LPGAT1: variants seen among roughly 807,000 people sequenced by gnomAD.
LPGAT1 encodes the protein acyl-CoA:lysophosphatidylglycerol acyltransferase 1.
LPGAT1 carries 11 observed loss-of-function variants against 47.5 expected under a neutral mutation model. The ratio of observed to expected loss-of-function variants is 0.23; its 90% CI spans 0.15 to 0.38. The LOEUF is 0.38. Ranked by LOEUF, LPGAT1 falls within the 10% of genes least tolerant of loss-of-function variation. LPGAT1 has a pLI of 1.00. For synonymous variants in LPGAT1, 138 were observed against 144.2 expected (o/e 0.96, Z 0.31); for missense variants, 293 against 439.0 (o/e 0.67, Z 2.97).
At chr1:211,773,482 CA>C (rs1553308458) in intron 6 of LPGAT1, among the ~76,000 whole-genome samples, 1 of 152,192 alleles carries the variant, frequency 6.6e-6, no homozygotes, top group Non-Finnish European at 1.5e-5. Context: ...TCAAGTTACA[CA>C]TGAAAACAAC....
At chr1:211,805,043 C>A (rs1196229610) in intron 2 of LPGAT1, among the ~76,000 whole-genome samples, 3 of 149,714 alleles carry the variant, frequency 2.0e-5, no homozygotes, top group Non-Finnish European at 3.0e-5. Flanking sequence ...TCCAGATTGA[C>A]AGAATACTAA....
chr1:211,819,038 TTAATTA>T (rs1430364300), intron 2 of LPGAT1, among the ~76,000 whole-genome samples: 2 of 152,304 alleles, frequency 1.3e-5, no homozygotes, highest in East Asian at 3.9e-4. Flanking sequence ...CAGTGCTATT[TTAATTA>T]TAATTACATA....
At chr1:211,800,517 A>G (rs1218664693) in intron 2 of LPGAT1, among the ~76,000 whole-genome samples, 2 of 152,198 alleles carry the variant, frequency 1.3e-5, no homozygotes, top group South Asian at 4.1e-4. Flanking sequence ...AAAATCAAAG[A>G]TAATAACTGG....
At chr1:211,784,468 G>A (rs1303507460) in intron 4 of LPGAT1, among the ~76,000 whole-genome samples, 1 of 148,300 alleles carries the variant, frequency 6.7e-6, no homozygotes, top group African/African-American at 2.5e-5. Flanking sequence ...TCCAGCCTGG[G>A]TGATAGAGTG....
chr1:211,757,650 T>C (rs1306813338), intron 6 of LPGAT1, among the ~76,000 whole-genome samples: 2 of 152,170 alleles, frequency 1.3e-5, no homozygotes, highest in East Asian at 3.8e-4. Context: ...ATACCAAGAA[T>C]TTAAAAGATG....
chr1:211,824,476 G>A (rs1028548537), intron 2 of LPGAT1, among the ~76,000 whole-genome samples: 2 of 152,106 alleles, frequency 1.3e-5, no homozygotes, highest in Admixed American at 6.6e-5. Flanking sequence ...CAGACCCTAG[G>A]GTTATAAGGA....
intron 6 of LPGAT1, among the ~76,000 whole-genome samples, chr1:211,753,583 A>G (rs1214813792): frequency 1.3e-5 from 2 of 152,098 alleles, no homozygotes; most frequent in Non-Finnish European, 2.9e-5. Flanking sequence ...TTATTGCTAC[A>G]ATATCTTATG....
rs1010844971 is a variant in LPGAT1 at position 211,787,877 on chromosome 1, C to T, written c.358-150G>A. 7.5e-6 allele frequency: 4 copies of T among 534,028 alleles called. No homozygotes were observed. In the Admixed American group the frequency reaches 1.5e-4, roughly 20 times the overall value. The allele number at this position is 534,028 out of a possible 1,614,324, so 33.1% of individuals were successfully genotyped here. On this transcript the variant is annotated intron_variant, in intron 3 of 7. Transcript: ENST00000366997. ...TAACTCTATTTCTACAAACAAAGCA[C>T]AGTTACTAATAGTGTCTACATGAAA...
chr1:211,778,292 A>T (rs1023497073), intron 6 of LPGAT1, among the ~76,000 whole-genome samples: 8 of 149,484 alleles, frequency 5.4e-5, no homozygotes, highest in African/African-American at 2.0e-4. Flanking sequence ...CAGTGAGCCG[A>T]GATCGCGCCA....
At chr1:211,762,768 C>G (rs1055160449) in intron 6 of LPGAT1, among the ~76,000 whole-genome samples, 1 of 152,068 alleles carries the variant, frequency 6.6e-6, no homozygotes, top group African/African-American at 2.4e-5. Context: ...TTTAAAAGCA[C>G]TAGATGAAAT....
chr1:211,753,476 CT>C (rs1285987086), intron 6 of LPGAT1, among the ~76,000 whole-genome samples: 1 of 150,786 alleles, frequency 6.6e-6, no homozygotes, highest in Admixed American at 6.6e-5. Context: ...TGCTTTTTTT[CT>C]TTTTATAAAT....
At chr1:211,787,762 A>G (rs753831442) in intron 3 of LPGAT1, 35 bp from the exon 4 acceptor site, 1 of 1,346,746 alleles carries the variant, frequency 7.4e-7, no homozygotes. Flanking sequence ...AATATTGGAT[A>G]GAAGAAACCT....
At chr1:211,790,831 G>C (rs1027276542) in intron 3 of LPGAT1, among the ~76,000 whole-genome samples, 2 of 152,160 alleles carry the variant, frequency 1.3e-5, no homozygotes, top group Non-Finnish European at 2.9e-5. Context: ...TTAGAATACA[G>C]TTAGACATAT....
chr1:211,815,386 C>T (rs1365645318), intron 2 of LPGAT1, among the ~76,000 whole-genome samples: 2 of 152,174 alleles, frequency 1.3e-5, no homozygotes, highest in Non-Finnish European at 2.9e-5. Context: ...TCAGCAAGTC[C>T]TGACAATTTT....
chr1:211,768,171 A>G (rs1279604541), intron 6 of LPGAT1, among the ~76,000 whole-genome samples: 1 of 152,186 alleles, frequency 6.6e-6, no homozygotes, highest in African/African-American at 2.4e-5. Flanking sequence ...AATATCCTTG[A>G]TTTAAAAGGG....
At chr1:211,809,024 C>T (rs1361917774) in intron 2 of LPGAT1, among the ~76,000 whole-genome samples, 1 of 151,104 alleles carries the variant, frequency 6.6e-6, no homozygotes, top group African/African-American at 2.4e-5. Context: ...AGTGAAACCC[C>T]GTCTCAACTA....
chr1:211,815,765 A>C (rs1660147728), intron 2 of LPGAT1, among the ~76,000 whole-genome samples: 3 of 146,412 alleles, frequency 2.0e-5, no homozygotes, highest in Non-Finnish European at 3.0e-5. Context: ...AACATGACAA[A>C]TGCTTTTCTT....
intron 2 of LPGAT1, among the ~76,000 whole-genome samples, chr1:211,801,058 T>G (rs1439311080): frequency 6.6e-6 from 1 of 152,220 alleles, no homozygotes; most frequent in Non-Finnish European, 1.5e-5. Flanking sequence ...GCCACTTGCT[T>G]GGCTACAAAT....
chr1:211,794,179 T>C (rs1659254498), intron 2 of LPGAT1, among the ~76,000 whole-genome samples: 1 of 152,228 alleles, frequency 6.6e-6, no homozygotes, highest in South Asian at 2.1e-4. Context: ...ATAATAAAAC[T>C]AATACAAATG....
Sources: gnomAD v4.1 joint callset for allele counts (sites outside exome capture counted in the v4.1 genomes callset) on GRCh38, gnomAD v4.1.1 for gene constraint, MANE v1.5 for transcripts, NCBI Gene and HGNC (gene_info 2026-07-23, HGNC 2026-07-21) for gene names.